Variants in FAM78B observed in about 807,000 individuals in gnomAD.
FAM78B encodes protein FAM78B.
In FAM78B, 10 loss-of-function variants were observed where a neutral mutation model predicts 20.0. The ratio of observed to expected loss-of-function variants is 0.50; its 90% confidence interval spans 0.31 to 0.85. FAM78B has a LOEUF of 0.85. FAM78B is among the 40% of genes least tolerant of loss of function. The pLI is 0.05. For synonymous variants in FAM78B, 135 were observed against 132.8 expected, an observed-to-expected ratio of 1.02 and a Z score of -0.12; for missense variants, 283 against 345.0, an observed-to-expected ratio of 0.82 and a Z score of 1.42.
intron 1 of FAM78B, among the ~76,000 whole-genome samples, chr1:166,104,045 C>G (rs893823203): frequency 2.0e-5 from 3 of 152,160 alleles, no homozygotes; most frequent in Non-Finnish European, 4.4e-5. Context: ...AAGGCTGGTT[C>G]AACATACGCA....
At chr1:166,145,602 A>T (rs898307673) in intron 1 of FAM78B, among the ~76,000 whole-genome samples, 1 of 152,262 alleles carries the variant, frequency 6.6e-6, no homozygotes, top group East Asian at 1.9e-4. Context: ...TTAGGACTCT[A>T]AGACAGGCCA....
intron 1 of FAM78B, among the ~76,000 whole-genome samples, chr1:166,076,108 G>A (rs1168893532): frequency 6.6e-6 from 1 of 152,102 alleles, no homozygotes; most frequent in African/African-American, 2.4e-5. Flanking sequence ...TCAACTTTGC[G>A]TCCCTGTTCT....
intron 1 of FAM78B, among the ~76,000 whole-genome samples, chr1:166,086,434 T>C (rs1172966970): frequency 1.3e-5 from 2 of 152,080 alleles, no homozygotes; most frequent in Non-Finnish European, 2.9e-5. Flanking sequence ...GGTGGGAAGA[T>C]GGAAGGGGCT....
intron 1 of FAM78B, among the ~76,000 whole-genome samples, chr1:166,128,747 T>C (rs1017949566): frequency 3.9e-5 from 6 of 152,186 alleles, no homozygotes; most frequent in Non-Finnish European, 8.8e-5. Flanking sequence ...GGTGAGGCAG[T>C]ATGACTTGGT....
chr1:166,107,539 A>G (rs1317087686), intron 1 of FAM78B, among the ~76,000 whole-genome samples: 1 of 152,154 alleles, frequency 6.6e-6, no homozygotes, highest in Admixed American at 6.6e-5. Context: ...AGGACCAGAC[A>G]GATTAATATA....
chr1:166,141,349 T>C (rs16856613), intron 1 of FAM78B, among the ~76,000 whole-genome samples: 2,455 of 152,306 alleles, frequency 0.016, 71 homozygotes, highest in African/African-American at 0.056. Flanking sequence ...GAAATCTAAG[T>C]GGGTTTTACT....
chr1:166,158,760 G>A (rs1656018867), intron 1 of FAM78B, among the ~76,000 whole-genome samples: 2 of 152,238 alleles, frequency 1.3e-5, no homozygotes, highest in South Asian at 4.1e-4. Flanking sequence ...GCCTCTGTGG[G>A]GGAATATCCC....
At position 166,109,880 on chromosome 1, in the gene FAM78B, A is replaced by ATG. The variant is rs1454378466; in HGVS notation, c.264-39119_264-39118dup. On this transcript the variant is annotated intron_variant, in intron 1 of 1. Transcript: ENST00000354422. ...TATATATGTATGTGTATATATATAT[A>ATG]TGTATATATGTATATATATATATAT... Among the ~76,000 whole-genome samples, 23 of 14,626 alleles carry ATG rather than the reference A, an allele frequency of 1.6e-3. 1 individual carries two copies. Among genetic ancestry groups the ATG allele is most frequent in the African/African-American group, 4.9e-3 (22 of 4,488 alleles). The allele number at this position is 14,626 out of a possible 152,430, so 9.6% of individuals were successfully genotyped here. A position where few individuals can be genotyped will look rare whatever the true frequency, so the allele number is the denominator to read the frequency against.
At chr1:166,152,686 T>G (rs1237635874) in intron 1 of FAM78B, among the ~76,000 whole-genome samples, 2 of 151,518 alleles carry the variant, frequency 1.3e-5, no homozygotes, top group African/African-American at 2.4e-5. Context: ...ATTTATTTAT[T>G]TATTTATTTA....
At chr1:166,129,503 T>C (rs1359967736) in intron 1 of FAM78B, among the ~76,000 whole-genome samples, 1 of 151,998 alleles carries the variant, frequency 6.6e-6, no homozygotes, top group Non-Finnish European at 1.5e-5. Flanking sequence ...TCCCAGGAAG[T>C]GTGTGAGACC....
intron 1 of FAM78B, among the ~76,000 whole-genome samples, chr1:166,140,756 G>T (rs7523055): frequency 0.88 from 134,420 of 152,226 alleles, 60,770 homozygotes; most frequent in Middle Eastern, 0.99. Flanking sequence ...TTTTTTGGGG[G>T]TATGATTTGT....
intron 1 of FAM78B, among the ~76,000 whole-genome samples, chr1:166,158,358 T>A (rs79555754): frequency 1.3e-5 from 2 of 152,162 alleles, no homozygotes; most frequent in East Asian, 3.9e-4. Flanking sequence ...AAATAATTTT[T>A]AAAAAGAACC....
intron 1 of FAM78B, among the ~76,000 whole-genome samples, chr1:166,123,320 G>A (rs1477827908): frequency 5.3e-5 from 8 of 152,204 alleles, no homozygotes; most frequent in Non-Finnish European, 1.0e-4. Context: ...TGGCTCTGTC[G>A]GCTCTTGGCC....
intron 1 of FAM78B, among the ~76,000 whole-genome samples, chr1:166,097,118 C>G (rs910753946): frequency 2.6e-5 from 4 of 152,160 alleles, no homozygotes; most frequent in Admixed American, 6.5e-5. Flanking sequence ...AGCTGAAGGT[C>G]TGTTTGTGGG....
chr1:166,123,627 C>A (rs1654541330), intron 1 of FAM78B, among the ~76,000 whole-genome samples: 1 of 152,194 alleles, frequency 6.6e-6, no homozygotes, highest in South Asian at 2.1e-4. Context: ...CTTGAAGAAG[C>A]TCAGATTAAT....
At chr1:166,062,559 G>A (rs1199205819) in intron 2 of FAM78B, among the ~76,000 whole-genome samples, 1 of 152,232 alleles carries the variant, frequency 6.6e-6, no homozygotes, top group African/African-American at 2.4e-5. Flanking sequence ...TTTTTCAGGT[G>A]AGACAGATGA....
At chr1:166,139,158 T>C (rs1655181770) in intron 1 of FAM78B, among the ~76,000 whole-genome samples, 1 of 152,140 alleles carries the variant, frequency 6.6e-6, no homozygotes, top group Non-Finnish European at 1.5e-5. Context: ...TCCATAAAGG[T>C]ATAGCAGCTT....
intron 1 of FAM78B, among the ~76,000 whole-genome samples, chr1:166,109,892 A>ATATATGTATG (rs1553219498): frequency 4.8e-5 from 2 of 41,906 alleles, no homozygotes; most frequent in Non-Finnish European, 7.7e-5. Context: ...GTATATATGT[A>ATATATGTATG]TATATATATA....
chr1:166,093,127 C>T (rs995621957), intron 1 of FAM78B, among the ~76,000 whole-genome samples: 1 of 152,116 alleles, frequency 6.6e-6, no homozygotes, highest in Non-Finnish European at 1.5e-5. Context: ...ATAGAAAACG[C>T]TTTATGTAAT....
Sources: gnomAD v4.1 joint callset for allele counts (sites outside exome capture counted in the v4.1 genomes callset) on GRCh38, gnomAD v4.1.1 for gene constraint, MANE v1.5 for transcripts, NCBI Gene and HGNC (gene_info 2026-07-23, HGNC 2026-07-21) for gene names.